Variants in MYH14 observed in about 807,000 individuals in gnomAD.
MYH14 encodes myosin-14.
Under a neutral mutation model 255.5 loss-of-function variants are expected in MYH14, and 123 were observed. That is an observed-to-expected ratio of 0.48 (90% CI 0.42 to 0.56). The LOEUF is 0.56. Among genes scored for constraint, MYH14 ranks in the 20% least tolerant of loss-of-function variants. MYH14 has a pLI of 0.00. For synonymous variants in MYH14, 1,095 were observed against 1,161.2 expected (o/e 0.94, Z 1.16); for missense variants, 2,423 against 2,802.3 (o/e 0.86, Z 3.06).
At position 50,266,002 on chromosome 19, in the gene MYH14, C is replaced by G. The variant is rs77695944; in HGVS notation, c.2695-875C>G. On this transcript the variant is annotated intron_variant, in intron 22 of 42. Transcript: ENST00000642316. The surrounding 1 kb of genome is among the most constrained non-coding windows in gnomAD (Gnocchi z 4.1). ...ATTTGAGAAATGTGAATGATACCTG[C>G]GAAAGATGCAAGGAGTCGGGGCAGA... Among the ~76,000 whole-genome samples, 439 of 151,862 alleles carry G rather than the reference C, an allele frequency of 2.9e-3. 17 individuals are homozygous for G. The East Asian group carries it at 0.068, about 24-fold the overall frequency.
At chr19:50,277,963 C>G in intron 29 of MYH14, 120 bp from the exon 30 acceptor site, 1 of 659,072 alleles carries the variant, frequency 1.5e-6, no homozygotes, top group Non-Finnish European at 2.2e-6. Flanking sequence ...TATTTGTTCA[C>G]TGGGAGAAGT....
rs1421717890 is a variant in MYH14, at chr19:50,307,137, G to A, written c.5767G>A (p.Ala1923Thr). ...VLQVEEERRV[A>T]DQLRDQLEKG... is the part of the protein sequence containing the mutation. ...CCAGGTGGAGGAGGAGCGGAGGGTG[G>A]CTGACCAGCTCCGGGACCAGGTAAG... is the stretch of plus-strand genomic sequence containing the variant. Residue 1923 changes from alanine to threonine, a missense_variant, in exon 41 of 43, where the codon GCT becomes ACT. Around this residue, in one of 3 missense-constraint regions of MYH14, gnomAD observed 1,513 missense variants for 1,674.8 expected, o/e 0.90. Coordinates refer to ENST00000642316, the MANE Select transcript of MYH14 (RefSeq NM_001145809.2). 4 of 1,548,110 alleles carry A rather than the reference G, an allele frequency of 2.6e-6. No homozygotes were observed. The African/African-American group carries it at 5.5e-5, about 21-fold the overall frequency.
intron 6 of MYH14, among the ~76,000 whole-genome samples, chr19:50,224,409 C>T (rs796723643): frequency 9.8e-5 from 15 of 152,294 alleles, no homozygotes; most frequent in African/African-American, 3.4e-4. Context: ...TACTGCTGAT[C>T]TACTAAATGT....
In MYH14 at chr19:50,280,326, G is replaced by A; in HGVS notation, c.4233G>A (p.Glu1411=). ...CAGCCGGGCTGCGTGAGCAGCTGGA[G>A]GAGGAGGCAGCTGCCAGGGAACGGG... ...AEAAGLREQL[E]EEAAARERAG... is the part of the protein sequence containing the mutation. Residue 1411 remains glutamate (E), a synonymous_variant, in exon 32 of 43, where the codon GAG becomes GAA. Coordinates refer to ENST00000642316, the MANE Select transcript of MYH14 (RefSeq NM_001145809.2). This position sits in a 1 kb window ranked among gnomAD's most constrained non-coding sequence, Gnocchi z 4.8. 6.5e-7 allele frequency: 1 copy of A among 1,549,904 alleles called. No individual in the cohort carries two copies. Among genetic ancestry groups the A allele is most frequent in the Non-Finnish European group, 8.7e-7 (1 of 1,146,566 alleles).
At position 50,250,719 on chromosome 19, in the gene MYH14, G is replaced by A; in HGVS notation, c.1830+31G>A. On this transcript the variant is annotated intron_variant, in intron 15 of 42. Coordinates refer to ENST00000642316, the MANE Select transcript of MYH14 (RefSeq NM_001145809.2). The surrounding 1 kb of genome is among the most constrained non-coding windows in gnomAD (Gnocchi z 5.4). ...GGCTGGGGCCGGCCTTGGGGCATGT[G>A]GGAGTGGGGATCAAGGGATCTCCAC... 6.3e-7 allele frequency: 1 copy of A among 1,590,640 alleles called. No individual in the cohort carries two copies. Among genetic ancestry groups the A allele is most frequent in the South Asian group, 1.1e-5 (1 of 88,358 alleles).
chr19:50,259,247 T>A lies in MYH14; in HGVS notation c.2336T>A (p.Phe779Tyr). The A allele has an allele frequency of 1.3e-6, 2 of 1,584,936 alleles. No homozygotes were observed. The highest frequency in any genetic ancestry group is 1.7e-6 in the Non-Finnish European group (2 of 1,164,972). ...CAGGGCTTCCCCAACCGCATCCTCT[T>A]CCAGGAGTTCCGGCAGCGGTGAGCT... ...CRQGFPNRIL[F>Y]QEFRQRYEIL... is the part of the protein sequence containing the mutation. The change falls in exon 19 of 43, where the codon TTC becomes TAC. Residue 779 changes from phenylalanine (F) to tyrosine (Y), a missense_variant. Transcript: ENST00000642316.
chr19:50,231,024 C>T (rs2033357476), intron 9 of MYH14: 1 of 255,516 alleles, frequency 3.9e-6, no homozygotes, highest in South Asian at 4.7e-5. Flanking sequence ...TCGGCTCGTG[C>T]TGCCTCGTGC....
In MYH14 at chr19:50,281,619, AGGAGGAGGCAGGGGCACTGGAGGCAGG is replaced by A; in HGVS notation, c.4327_4353del (p.Gly1443_Ala1451del). ...CTTTCCGAGTGGCGGCGGCGCCAGG[AGGAGGAGGCAGGGGCACTGGAGGCAGG>A]GGAGGAGGCACGGCGCCGGGCAGCC... On this transcript the variant is annotated inframe_deletion, in exon 33 of 43. Transcript: ENST00000642316. 6.3e-7 allele frequency: 1 copy of A among 1,596,218 alleles called. No homozygotes were observed.
chr19:50,243,201 C>T (rs537354718), intron 10 of MYH14, among the ~76,000 whole-genome samples: 12 of 152,136 alleles, frequency 7.9e-5, no homozygotes, highest in Middle Eastern at 3.4e-3. Flanking sequence ...TTTGGGAGGC[C>T]GAGGCGGGTG....
chr19:50,277,083 G>A (rs1307646871), intron 29 of MYH14, among the ~76,000 whole-genome samples, 182 bp downstream of exon 29: 1 of 152,216 alleles, frequency 6.6e-6, no homozygotes, highest in Non-Finnish European at 1.5e-5. Context: ...TGTTCCAGGA[G>A]CATTGCTGGG....
chr19:50,294,287 G>T lies in MYH14; in HGVS notation c.5469+600G>T, dbSNP rs536999808. Among the ~76,000 whole-genome samples the T allele has an allele frequency of 9.8e-4, 148 of 151,388 alleles. 1 individual carries two copies. Among genetic ancestry groups the T allele is most frequent in the African/African-American group, 3.5e-3 (145 of 41,482 alleles). On this transcript the variant is annotated intron_variant, in intron 39 of 42. Transcript: ENST00000642316. ...GAAGGGACTACCAACCTAGCCTGGAGGATAGAGGCCATCAGAGAAGGCTTC... is the reference window on the plus strand; with the variant it reads ...GAAGGGACTACCAACCTAGCCTGGATGATAGAGGCCATCAGAGAAGGCTTC...
intron 8 of MYH14, among the ~76,000 whole-genome samples, chr19:50,227,477 G>A (rs1249389733): frequency 6.6e-6 from 1 of 152,036 alleles, no homozygotes; most frequent in Non-Finnish European, 1.5e-5. Context: ...CCCTTAGTAT[G>A]AACCAAAATT....
intron 6 of MYH14, 28 bp from the exon 7 acceptor site, chr19:50,225,557 C>T (rs2033049174): frequency 2.5e-6 from 4 of 1,597,442 alleles, no homozygotes; most frequent in African/African-American, 2.7e-5. Flanking sequence ...TCTCACTGAC[C>T]TCATGCATCA....
chr19:50,297,526 T>A, intron 39 of MYH14, among the ~76,000 whole-genome samples: 1 of 111,894 alleles, frequency 8.9e-6, no homozygotes, highest in Non-Finnish European at 1.7e-5. Flanking sequence ...AGACAGAGTC[T>A]CGCTCTTGTC....
In MYH14 at chr19:50,210,755, C is replaced by T. The variant is rs2123157519; in HGVS notation, c.390C>T (p.Tyr130=). 2 of 1,575,610 alleles carry T rather than the reference C, an allele frequency of 1.3e-6. No homozygotes were observed. The highest frequency in any genetic ancestry group is 1.7e-6 in the Non-Finnish European group (2 of 1,161,880). The change falls in exon 2 of 43, where the codon TAC becomes TAT. Residue 130 remains tyrosine, a synonymous_variant. Coordinates refer to ENST00000642316, the MANE Select transcript of MYH14 (RefSeq NM_001145809.2). ...TGCACAACCTCCGGGAGCGGTACTACTCCGGCCTCATCTACGTGAGTGGGC... is the reference window on the plus strand; with the variant it reads ...TGCACAACCTCCGGGAGCGGTACTATTCCGGCCTCATCTACGTGAGTGGGC... ...SVLHNLRERY[Y]SGLIYTYSGL...
At chr19:50,213,947 C>T (rs2032336002) in intron 2 of MYH14, among the ~76,000 whole-genome samples, 1 of 152,322 alleles carries the variant, frequency 6.6e-6, no homozygotes, top group Middle Eastern at 3.4e-3. Context: ...GCCTCAGCCT[C>T]CTAAGTAGCT....
At chr19:50,291,550 T>A (rs898276197) in intron 36 of MYH14, among the ~76,000 whole-genome samples, 4 of 152,192 alleles carry the variant, frequency 2.6e-5, no homozygotes, top group Non-Finnish European at 5.9e-5. Context: ...CCCATGGTTT[T>A]GTTTTTGAAG....
intron 39 of MYH14, among the ~76,000 whole-genome samples, chr19:50,298,381 C>G (rs189669410): frequency 1.5e-3 from 151 of 97,884 alleles, no homozygotes; most frequent in South Asian, 0.011. Flanking sequence ...AAACCCAACA[C>G]ACACACAAAC....
In MYH14 at chr19:50,250,755, TGGG is replaced by T; in HGVS notation, c.1830+71_1830+73del. On this transcript the variant is annotated intron_variant, in intron 15 of 42. Coordinates refer to ENST00000642316, the MANE Select transcript of MYH14 (RefSeq NM_001145809.2). The surrounding 1 kb of genome is among the most constrained non-coding windows in gnomAD (Gnocchi z 5.4). ...TCAAGGGATCTCCACTGGCTACAGA[TGGG>T]GGGAGGGTGCAGAGGGAAAACAGGG... 1 of 1,516,676 alleles carries T rather than the reference TGGG, an allele frequency of 6.6e-7. No individual in the cohort carries two copies. Among genetic ancestry groups the T allele is most frequent in the Non-Finnish European group, 9.0e-7 (1 of 1,112,238 alleles). The allele number at this position is 1,516,676 out of a possible 1,614,324, so 94.0% of individuals were successfully genotyped here. A position where few individuals can be genotyped will look rare whatever the true frequency, so the allele number is the denominator to read the frequency against.
Sources: allele counts gnomAD v4.1 joint callset (sites outside exome capture counted in the v4.1 genomes callset), GRCh38; gene constraint gnomAD v4.1.1; regional missense constraint gnomAD v4.1.1; non-coding constraint Gnocchi (gnomAD v3.1); transcripts MANE v1.5; gene names NCBI Gene and HGNC (gene_info 2026-07-23, HGNC 2026-07-21).